The following AKAP13 variants were observed in gnomAD, a reference collection of about 807,000 sequenced individuals.
AKAP13 encodes the protein A-kinase anchoring protein 13, also known as A-kinase anchor protein 13.
In AKAP13, 80 loss-of-function variants were observed where a neutral mutation model predicts 264.5. The ratio of observed to expected loss-of-function variants is 0.30; its 90% CI spans 0.25 to 0.36. The LOEUF (loss-of-function observed/expected upper bound fraction) is 0.36, where lower values mean the gene tolerates loss of function less well. Ranked by LOEUF, AKAP13 falls within the 10% of genes least tolerant of loss-of-function variation. AKAP13 has a pLI of 1.00. For missense variants in AKAP13, 3,712 were observed against 3,435.2 expected, an observed-to-expected ratio of 1.08 and a Z score of -2.01; for synonymous variants, 1,380 against 1,250.2, an observed-to-expected ratio of 1.10 and a Z score of -2.19.
intron 1 of AKAP13, among the ~76,000 whole-genome samples, chr15:85,439,452 C>T (rs1192583860): frequency 1.3e-5 from 2 of 151,912 alleles, no homozygotes; most frequent in Admixed American, 6.6e-5. Context: ...CCATTTGACC[C>T]AGCCATCCCA....
intron 1 of AKAP13, among the ~76,000 whole-genome samples, chr15:85,446,247 A>T (rs1170716762): frequency 6.6e-6 from 1 of 152,222 alleles, no homozygotes; most frequent in Non-Finnish European, 1.5e-5. Context: ...AGTTATGCTT[A>T]GAGGCAAAGA....
At chr15:85,384,099 T>C (rs1328577545) in intron 1 of AKAP13, among the ~76,000 whole-genome samples, 1 of 152,236 alleles carries the variant, frequency 6.6e-6, no homozygotes, top group African/African-American at 2.4e-5. Context: ...ATTCCATCTT[T>C]CCATTAGTTT....
intron 2 of AKAP13, among the ~76,000 whole-genome samples, chr15:85,504,721 A>C: frequency 6.7e-6 from 1 of 150,174 alleles, no homozygotes; most frequent in East Asian, 1.9e-4. Flanking sequence ...AAAAATCCTT[A>C]CATGTCTGCA....
intron 1 of AKAP13, among the ~76,000 whole-genome samples, chr15:85,451,418 G>C (rs1240167794): frequency 6.6e-6 from 1 of 152,168 alleles, no homozygotes; most frequent in African/African-American, 2.4e-5. Flanking sequence ...TCATTGTGCT[G>C]TTAGCTGGTT....
intron 19 of AKAP13, among the ~76,000 whole-genome samples, chr15:85,714,570 G>A (rs2151707911): frequency 6.6e-6 from 1 of 152,358 alleles, no homozygotes; most frequent in African/African-American, 2.4e-5. Context: ...GACAAGGGGG[G>A]CTGAGATTCC....
intron 20 of AKAP13, 197 bp from the exon 21 acceptor site, chr15:85,717,093 C>A: frequency 2.0e-6 from 1 of 504,508 alleles, no homozygotes; most frequent in Non-Finnish European, 3.4e-6. Flanking sequence ...TTTGAGTCTC[C>A]AGTGATACTA....
chr15:85,691,657 C>A lies in AKAP13; in HGVS notation c.5290-1620C>A, dbSNP rs540755385. ...GCACTTAGAGCTCCTGACTCTCAGC[C>A]CAGTGCCCCCACTGTTCACCCAGTC... On this transcript the variant is annotated intron_variant, in intron 16 of 36. Transcript: ENST00000394518. Among the ~76,000 whole-genome samples, 7 of 152,264 alleles carry A rather than the reference C, an allele frequency of 4.6e-5. No individual in the cohort carries two copies. In the South Asian group the frequency reaches 1.5e-3, roughly 32 times the overall value.
intron 3 of AKAP13, among the ~76,000 whole-genome samples, chr15:85,527,323 T>A (rs1409957479): frequency 6.6e-6 from 1 of 152,182 alleles, no homozygotes; most frequent in African/African-American, 2.4e-5. Flanking sequence ...AACACAGCAC[T>A]GGAATCCTAG....
chr15:85,442,510 TAA>T lies in AKAP13; in HGVS notation c.-11-43199_-11-43198del, dbSNP rs1360383686. 2.0e-4 allele frequency among the ~76,000 whole-genome samples: 22 copies of T among 111,926 alleles called. No homozygotes were observed. In the South Asian group the frequency reaches 5.9e-3, roughly 30 times the overall value. 73.4% of individuals were successfully genotyped at this position (111,926 alleles called of 152,430 possible). A position where few individuals can be genotyped will look rare whatever the true frequency, so the allele number is the denominator to read the frequency against. On this transcript the variant is annotated intron_variant, in intron 1 of 36. Coordinates refer to ENST00000394518, the MANE Select transcript of AKAP13 (RefSeq NM_007200.5). ...TATATAATATATATTATATTATATA[TAA>T]TATATATTATATTATATATAATATA...
chr15:85,462,577 AT>A (rs2074557434), intron 1 of AKAP13, among the ~76,000 whole-genome samples: 2 of 152,242 alleles, frequency 1.3e-5, no homozygotes, highest in Non-Finnish European at 2.9e-5. Context: ...ATTAATGGAG[AT>A]TGGATCCCAA....
intron 13 of AKAP13, among the ~76,000 whole-genome samples, chr15:85,669,297 C>G (rs550468930): frequency 6.6e-6 from 1 of 152,220 alleles, no homozygotes; most frequent in South Asian, 2.1e-4. Flanking sequence ...TCTACTATAT[C>G]TGTATGAAGA....
intron 1 of AKAP13, among the ~76,000 whole-genome samples, chr15:85,392,098 AT>A (rs1303114388): frequency 3.3e-5 from 5 of 151,454 alleles, no homozygotes; most frequent in African/African-American, 1.2e-4. Flanking sequence ...CTTATTCTTA[AT>A]AAAAGGAGTT....
At chr15:85,526,041 A>G (rs909176188) in intron 3 of AKAP13, among the ~76,000 whole-genome samples, 2 of 152,196 alleles carry the variant, frequency 1.3e-5, no homozygotes, top group African/African-American at 2.4e-5. Context: ...AAGAACTACA[A>G]ACCTTTATTG....
In AKAP13 at chr15:85,669,753, A is replaced by G. The variant is rs1303253300; in HGVS notation, c.5024A>G (p.Asn1675Ser). The G allele has an allele frequency of 1.3e-5, 21 of 1,613,478 alleles. No homozygotes were observed. Among genetic ancestry groups the G allele is most frequent in the Middle Eastern group, 3.3e-4 (2 of 6,056 alleles). The change falls in exon 14 of 37, where the codon AAT (asparagine) becomes AGT (serine). Residue 1675 changes from asparagine to serine, a missense_variant. This residue lies in a region of AKAP13 where 2,759 missense variants were observed against 2,411.7 expected (regional missense o/e 1.14). Transcript: ENST00000394518. ...CACAGATCTAAGCAGCAGGGATTTA[A>G]TTACTGTACATCAGCCATTTCCTCT... ...ICHRSKQQGFNYCTSAISSPL... is the reference protein window; with the variant it reads ...ICHRSKQQGFSYCTSAISSPL...
At chr15:85,664,301 T>C (rs2151547264) in intron 12 of AKAP13, among the ~76,000 whole-genome samples, 1 of 152,322 alleles carries the variant, frequency 6.6e-6, no homozygotes, top group East Asian at 1.9e-4. Context: ...GAAAAAAATC[T>C]GAGAAGTGAT....
At chr15:85,707,278 CAG>C (rs2086345482) in intron 17 of AKAP13, among the ~76,000 whole-genome samples, 1 of 152,210 alleles carries the variant, frequency 6.6e-6, no homozygotes, top group Non-Finnish European at 1.5e-5. Context: ...GTTTTTACGT[CAG>C]TGGCCCTTGT....
chr15:85,539,007 T>C (rs2077495839), intron 4 of AKAP13, among the ~76,000 whole-genome samples: 1 of 142,620 alleles, frequency 7.0e-6, no homozygotes, highest in African/African-American at 2.6e-5. Flanking sequence ...ATTTTTTGTA[T>C]TTTTTGGTAG....
chr15:85,391,889 A>G (rs1408812140), intron 1 of AKAP13, among the ~76,000 whole-genome samples: 1 of 152,016 alleles, frequency 6.6e-6, no homozygotes, highest in South Asian at 2.1e-4. Context: ...GGTTCAAGCA[A>G]TTCTCCTGCC....
At chr15:85,659,344 G>A (rs1264278267) in intron 12 of AKAP13, among the ~76,000 whole-genome samples, 1 of 152,154 alleles carries the variant, frequency 6.6e-6, no homozygotes, top group Non-Finnish European at 1.5e-5. Context: ...TAGTTTCTCA[G>A]GAGGCATTTG....
Sources: gnomAD v4.1 joint callset for allele counts (sites outside exome capture counted in the v4.1 genomes callset) on GRCh38, gnomAD v4.1.1 for gene constraint, gnomAD v4.1.1 regional missense constraint, MANE v1.5 for transcripts, NCBI Gene and HGNC (gene_info 2026-07-23, HGNC 2026-07-21) for gene names.